The following CDH13 variants were observed in gnomAD, a reference collection of about 807,000 sequenced individuals.
CDH13 encodes the protein cadherin-13.
A neutral mutation model predicts 63.8 loss-of-function variants in CDH13; 24 were observed. The ratio of observed to expected loss-of-function variants is 0.38; its 90% CI spans 0.27 to 0.53. CDH13 has a LOEUF of 0.53. Among genes scored for constraint, CDH13 ranks in the 20% least tolerant of loss-of-function variants. The pLI, the probability that CDH13 is intolerant of heterozygous loss-of-function variation, is 0.85. For synonymous variants in CDH13, 503 were observed against 355.3 expected (o/e 1.42, Z -4.67); for missense variants, 1,049 against 903.1 (o/e 1.16, Z -2.07).
chr16:83,133,061 C>T (rs1034123784), intron 4 of CDH13, among the ~76,000 whole-genome samples: 1 of 152,164 alleles, frequency 6.6e-6, no homozygotes, highest in African/African-American at 2.4e-5. Flanking sequence ...CTCTACACAG[C>T]CCAATATGGT....
chr16:83,037,374 C>G (rs1331230217), intron 3 of CDH13, among the ~76,000 whole-genome samples: 1 of 152,178 alleles, frequency 6.6e-6, no homozygotes, highest in African/African-American at 2.4e-5. Context: ...CTTCCTGCCA[C>G]TTTGCTGCTA....
chr16:83,224,064 C>A (rs1249396214), intron 5 of CDH13, among the ~76,000 whole-genome samples: 1 of 152,162 alleles, frequency 6.6e-6, no homozygotes, highest in East Asian at 1.9e-4. Context: ...AACTTAGCTC[C>A]TAATTATGAG....
At chr16:83,014,820 A>G (rs1256691609) in intron 2 of CDH13, among the ~76,000 whole-genome samples, 1 of 66,232 alleles carries the variant, frequency 1.5e-5, no homozygotes, top group South Asian at 7.1e-4. Flanking sequence ...ATATTTGTAT[A>G]TATATATTTG....
At chr16:83,765,191 G>A (rs1399799067) in intron 11 of CDH13, among the ~76,000 whole-genome samples, 1 of 152,166 alleles carries the variant, frequency 6.6e-6, no homozygotes, top group Non-Finnish European at 1.5e-5. Context: ...CTGTACCATT[G>A]ACATTAGCAC....
intron 7 of CDH13, among the ~76,000 whole-genome samples, chr16:83,521,210 A>T (rs1956217549): frequency 6.6e-6 from 1 of 152,202 alleles, no homozygotes; most frequent in Non-Finnish European, 1.5e-5. Context: ...GTTAGCTCTC[A>T]GTAATTATTT....
At chr16:82,675,683 A>G (rs1329484652) in intron 1 of CDH13, among the ~76,000 whole-genome samples, 2 of 152,212 alleles carry the variant, frequency 1.3e-5, no homozygotes, top group African/African-American at 4.8e-5. Flanking sequence ...TTTGGCAAGC[A>G]AAGCAAAAGA....
At chr16:83,700,232 A>T (rs1207569118) in intron 10 of CDH13, among the ~76,000 whole-genome samples, 1 of 152,156 alleles carries the variant, frequency 6.6e-6, no homozygotes, top group African/African-American at 2.4e-5. Flanking sequence ...TTATTGTGGG[A>T]TTCATCCGTG....
chr16:82,681,930 C>A (rs1257192216), intron 1 of CDH13, among the ~76,000 whole-genome samples: 1 of 152,212 alleles, frequency 6.6e-6, no homozygotes, highest in African/African-American at 2.4e-5. Flanking sequence ...GCAGCAGTTC[C>A]CAGGCTTAGT....
intron 1 of CDH13, among the ~76,000 whole-genome samples, chr16:82,671,084 C>T (rs556545493): frequency 2.0e-4 from 31 of 151,952 alleles, no homozygotes; most frequent in African/African-American, 6.5e-4. Context: ...TATTAGATGG[C>T]GAGGGGAAAG....
intron 6 of CDH13, among the ~76,000 whole-genome samples, chr16:83,388,448 C>G (rs1166061191): frequency 6.6e-6 from 1 of 152,004 alleles, no homozygotes; most frequent in Non-Finnish European, 1.5e-5. Flanking sequence ...AAGATCCTGT[C>G]TCAAAAAAAT....
chr16:83,297,950 C>T (rs1276529450), intron 5 of CDH13, among the ~76,000 whole-genome samples: 1 of 150,676 alleles, frequency 6.6e-6, no homozygotes, highest in African/African-American at 2.4e-5. Flanking sequence ...GCAGCTCACA[C>T]TTGTAATCAC....
At chr16:83,647,765 G>A (rs954568264) in intron 8 of CDH13, among the ~76,000 whole-genome samples, 6 of 152,154 alleles carry the variant, frequency 3.9e-5, no homozygotes, top group Admixed American at 3.3e-4. Context: ...TATCTGGTTG[G>A]TGGGTACCAG....
chr16:83,434,608 G>C (rs1450079603), intron 6 of CDH13, among the ~76,000 whole-genome samples: 2 of 151,796 alleles, frequency 1.3e-5, no homozygotes, highest in African/African-American at 4.8e-5. Flanking sequence ...GATCCATCCA[G>C]TGTGCCACAG....
intron 4 of CDH13, among the ~76,000 whole-genome samples, chr16:83,216,752 T>C (rs1042173594): frequency 6.7e-6 from 1 of 149,112 alleles, no homozygotes; most frequent in Non-Finnish European, 1.5e-5. Context: ...ATATATATAA[T>C]ATTTAGGGGT....
chr16:83,328,143 A>AG (rs2090406918), intron 5 of CDH13, among the ~76,000 whole-genome samples: 1 of 141,952 alleles, frequency 7.0e-6, no homozygotes, highest in Non-Finnish European at 1.6e-5. Context: ...AAAAAAGAAA[A>AG]AGAAAAAAAA....
intron 1 of CDH13, among the ~76,000 whole-genome samples, chr16:82,798,465 C>A (rs191058139): frequency 8.7e-4 from 133 of 152,198 alleles, no homozygotes; most frequent in Non-Finnish European, 1.0e-3. Context: ...TGTGATTAGA[C>A]TTCTGGTTAT....
At chr16:82,680,365 C>G (rs371404917) in intron 1 of CDH13, among the ~76,000 whole-genome samples, 11 of 152,156 alleles carry the variant, frequency 7.2e-5, no homozygotes, top group African/African-American at 2.7e-4. Context: ...GAAACTGAGA[C>G]TTGTAGAGGT....
chr16:83,019,816 G>A (rs1915173033), intron 2 of CDH13, among the ~76,000 whole-genome samples: 2 of 142,474 alleles, frequency 1.4e-5, no homozygotes, highest in African/African-American at 5.2e-5. Context: ...TTCTTAATGG[G>A]TAGAAGGAGG....
chr16:83,613,571 G>A lies in CDH13; in HGVS notation c.1101+10977G>A, dbSNP rs12600055. Among the ~76,000 whole-genome samples the A allele has an allele frequency of 8.9e-3, 1,351 of 152,182 alleles. 102 individuals are homozygous for A. In the East Asian group the frequency reaches 0.19, roughly 21 times the overall value. Reference sequence around the variant, plus strand: ...ACTCAGGCCAGGCACGGTGGCTCACGCCTGTAATACCAGCACTTTGGGAGA... The same window carrying A: ...ACTCAGGCCAGGCACGGTGGCTCACACCTGTAATACCAGCACTTTGGGAGA... On this transcript the variant is annotated intron_variant, in intron 8 of 13. Transcript: ENST00000567109.
Sources: gnomAD v4.1 joint callset for allele counts (sites outside exome capture counted in the v4.1 genomes callset) on GRCh38, gnomAD v4.1.1 for gene constraint, MANE v1.5 for transcripts, NCBI Gene and HGNC (gene_info 2026-07-23, HGNC 2026-07-21) for gene names.